Variants in ZDHHC1 observed in about 807,000 individuals in gnomAD.
ZDHHC1 encodes the protein palmitoyltransferase ZDHHC1.
Under a neutral mutation model 46.9 loss-of-function variants are expected in ZDHHC1, and 45 were observed. That is an observed-to-expected ratio of 0.96 (90% CI 0.76 to 1.23). The LOEUF is 1.23. Ranked by LOEUF, ZDHHC1 falls within the 50% of genes most tolerant of loss-of-function variation. The pLI, the probability that ZDHHC1 is intolerant of heterozygous loss-of-function variation, is 0.00. For missense variants in ZDHHC1, 649 were observed against 670.8 expected, an observed-to-expected ratio of 0.97 and a Z score of 0.36; for synonymous variants, 291 against 286.0, an observed-to-expected ratio of 1.02 and a Z score of -0.18.
intron 1 of ZDHHC1, among the ~76,000 whole-genome samples, chr16:67,412,841 C>A (rs986048619): frequency 2.0e-5 from 3 of 151,840 alleles, no homozygotes; most frequent in Non-Finnish European, 2.9e-5. Context: ...ACTCTTGTTG[C>A]TCAGGCTGGA....
chr16:67,398,951 C>T lies in ZDHHC1; in HGVS notation c.531-7G>A, dbSNP rs2040491008. 6.2e-7 allele frequency: 1 copy of T among 1,611,994 alleles called. No homozygotes were observed. Among genetic ancestry groups the T allele is most frequent in the South Asian group, 1.1e-5 (1 of 90,598 alleles). On this transcript the variant is annotated splice_polypyrimidine_tract_variant and splice_region_variant and intron_variant, in intron 5 of 11. Transcript: ENST00000565726. ...AACACTGTGTAGAAAGAGCCTGGGC[C>T]CAGCCATGGGTCGCTGTCAGCTCCC...
chr16:67,400,193 A>G (rs1335753792), intron 4 of ZDHHC1, among the ~76,000 whole-genome samples: 1 of 152,208 alleles, frequency 6.6e-6, no homozygotes, highest in Non-Finnish European at 1.5e-5. Flanking sequence ...TTGGCGCCTT[A>G]AGGCTAGGGG....
At chr16:67,411,333 T>C (rs1157352915) in intron 1 of ZDHHC1, among the ~76,000 whole-genome samples, 3 of 152,030 alleles carry the variant, frequency 2.0e-5, no homozygotes, top group Non-Finnish European at 4.4e-5. Flanking sequence ...AGCAGGTGCT[T>C]GGAGGGCCCT....
chr16:67,398,244 C>T lies in ZDHHC1; in HGVS notation c.895G>A (p.Glu299Lys), dbSNP rs921973283. The change falls in exon 8 of 12, where the codon GAG becomes AAG. Residue 299 changes from glutamate to lysine, a missense_variant. By Grantham distance (56) the Glu-to-Lys change is moderately conservative. Coordinates refer to ENST00000565726, the MANE Select transcript of ZDHHC1 (RefSeq NM_001323627.2). Reference sequence around the variant, plus strand: ...GGCCGCATCTTGGGAGGACATGACTCGAGCTCCCTGTGAACCCCCTTGGCC... The same window carrying T: ...GGCCGCATCTTGGGAGGACATGACTTGAGCTCCCTGTGAACCCCCTTGGCC... ...QEAKGVHREL[E>K]SCPPKMRPIQ... 3.7e-6 allele frequency: 6 copies of T among 1,614,012 alleles called. No individual in the cohort carries two copies. The highest frequency in any genetic ancestry group is 1.6e-4 in the Middle Eastern group (1 of 6,084).
intron 1 of ZDHHC1, among the ~76,000 whole-genome samples, chr16:67,412,302 A>G (rs777396812): frequency 2.2e-4 from 33 of 151,636 alleles, no homozygotes; most frequent in Non-Finnish European, 4.3e-4. Context: ...AAATATATAT[A>G]TATTTTTATC....
intron 1 of ZDHHC1, among the ~76,000 whole-genome samples, chr16:67,411,722 A>AT (rs1380113624): frequency 5.9e-5 from 9 of 152,226 alleles, no homozygotes; most frequent in Non-Finnish European, 1.0e-4. Context: ...AAAGCAAGGG[A>AT]TAAAAAAAGA....
intron 8 of ZDHHC1, among the ~76,000 whole-genome samples, chr16:67,397,861 G>T (rs1567515727): frequency 6.6e-6 from 1 of 152,110 alleles, no homozygotes; most frequent in Non-Finnish European, 1.5e-5. Context: ...CATGGATGAG[G>T]AGAAGTGATG....
chr16:67,409,221 G>C (rs1485565855), intron 1 of ZDHHC1, among the ~76,000 whole-genome samples: 1 of 151,836 alleles, frequency 6.6e-6, no homozygotes, highest in Non-Finnish European at 1.5e-5. Flanking sequence ...TCCAAATCAG[G>C]ATACCCCCTG....
At chr16:67,399,720 C>T (rs1489102861) in intron 4 of ZDHHC1, among the ~76,000 whole-genome samples, 1 of 152,106 alleles carries the variant, frequency 6.6e-6, no homozygotes, top group Non-Finnish European at 1.5e-5. Flanking sequence ...TGGGATTGTG[C>T]GCCTAGCTGA....
At position 67,395,075 on chromosome 16, in the gene ZDHHC1, G is replaced by A. The variant is rs766875350; in HGVS notation, c.1105-13C>T. ...TCTTCCTCTTTTTCTGCAGAGACAC[G>A]GGGGAGCCTGAGGGCCCCACATCGC... is the stretch of plus-strand genomic sequence containing the variant. On this transcript the variant is annotated splice_polypyrimidine_tract_variant and intron_variant, in intron 10 of 11. Coordinates refer to ENST00000565726, the MANE Select transcript of ZDHHC1 (RefSeq NM_001323627.2). 1 of 1,613,128 alleles carries A rather than the reference G, an allele frequency of 6.2e-7. No individual in the cohort carries two copies. The highest frequency in any genetic ancestry group is 8.5e-7 in the Non-Finnish European group (1 of 1,179,904).
chr16:67,397,447 C>T (rs1307156656), intron 8 of ZDHHC1, among the ~76,000 whole-genome samples: 1 of 152,202 alleles, frequency 6.6e-6, no homozygotes, highest in African/African-American at 2.4e-5. Context: ...CAGCCTGGCC[C>T]ACAAGTAGTG....
intron 3 of ZDHHC1, among the ~76,000 whole-genome samples, chr16:67,405,792 G>T (rs1413244404): frequency 2.6e-5 from 4 of 152,228 alleles, no homozygotes; most frequent in African/African-American, 9.6e-5. Flanking sequence ...TTATGTAAAA[G>T]AATTCTACGG....
rs187364605 is a variant in ZDHHC1 at position 67,412,249 on chromosome 16, G to A, written c.-39+3922C>T. 3.9e-5 allele frequency among the ~76,000 whole-genome samples: 6 copies of A among 152,094 alleles called. No individual in the cohort carries two copies. The East Asian group carries it at 7.7e-4, about 20-fold the overall frequency. ...AATGAGACCTAGTGGTCCAAGAGCT[G>A]TAAGACAGAAATTGCATTTCCTGGT... On this transcript the variant is annotated intron_variant, in intron 1 of 11. Coordinates refer to ENST00000565726, the MANE Select transcript of ZDHHC1 (RefSeq NM_001323627.2).
chr16:67,408,953 G>A (rs1006742451), intron 1 of ZDHHC1, among the ~76,000 whole-genome samples: 1 of 152,182 alleles, frequency 6.6e-6, no homozygotes, highest in Non-Finnish European at 1.5e-5. Context: ...CCATCACCAG[G>A]GCAATTACTT....
chr16:67,394,800 G>T lies in ZDHHC1; in HGVS notation c.1259C>A (p.Ser420Ter), dbSNP rs1050044169. ...CTCGTCCACGGACTCTGCCGACGCCGAGTGGTAGGCGCCGGCAGGGCCAGC... is the reference window on the plus strand; with the variant it reads ...CTCGTCCACGGACTCTGCCGACGCCTAGTGGTAGGCGCCGGCAGGGCCAGC... ...HAAGPAGAYH[S>*]ASAESVDEIP... The change falls in exon 12 of 12, where the codon TCG becomes TAG. Residue 420 changes from serine to a stop codon, truncating the protein, a stop_gained. Coordinates refer to ENST00000565726, the MANE Select transcript of ZDHHC1 (RefSeq NM_001323627.2). LOFTEE classifies it low-confidence loss of function (END_TRUNC). 6.5e-7 allele frequency: 1 copy of T among 1,528,498 alleles called. No individual in the cohort carries two copies. Among genetic ancestry groups the T allele is most frequent in the African/African-American group, 1.4e-5 (1 of 72,614 alleles). The allele number at this position is 1,528,498 out of a possible 1,614,324, so 94.7% of individuals were successfully genotyped here. A position where few individuals can be genotyped will look rare whatever the true frequency, so the allele number is the denominator to read the frequency against.
At position 67,394,518 on chromosome 16, in the gene ZDHHC1, C is replaced by T. The variant is rs528348914; in HGVS notation, c.*92G>A. ...AGGCCGATCCCGCCGGCCGTAGGGG[C>T]CCCTAAAGTGCACTCGGTGCGGCAA... On this transcript the variant is annotated 3_prime_UTR_variant, in exon 12 of 12. Transcript: ENST00000565726. 2.7e-5 allele frequency: 29 copies of T among 1,086,838 alleles called. No individual in the cohort carries two copies. The East Asian group carries it at 1.0e-3, about 39-fold the overall frequency. 67.3% of individuals were successfully genotyped at this position (1,086,838 alleles called of 1,614,324 possible). A position where few individuals can be genotyped will look rare whatever the true frequency, so the allele number is the denominator to read the frequency against.
chr16:67,400,997 C>T lies in ZDHHC1; in HGVS notation c.388G>A (p.Val130Ile). 5.6e-6 allele frequency: 9 copies of T among 1,614,170 alleles called. No individual in the cohort carries two copies. Among genetic ancestry groups the T allele is most frequent in the Non-Finnish European group, 6.8e-6 (8 of 1,180,028 alleles). Residue 130 changes from valine (V) to isoleucine (I), a missense_variant, in exon 4 of 12, where the codon GTC becomes ATC. Coordinates refer to ENST00000565726, the MANE Select transcript of ZDHHC1 (RefSeq NM_001323627.2). ...AAGTTGCAGTGCAGGTCTTCAATGA[C>T]ATGTGCGTGCTGGCTTCGGTTGAAG... Reference protein sequence around the residue: ...PIFNRSQHAHVIEDLHCNLCN... With the variant: ...PIFNRSQHAHIIEDLHCNLCN...
chr16:67,415,060 G>A (rs764453339), intron 1 of ZDHHC1, among the ~76,000 whole-genome samples: 1 of 152,178 alleles, frequency 6.6e-6, no homozygotes, highest in African/African-American at 2.4e-5. Context: ...GCTTGAACCC[G>A]GGAGGTGGAG....
chr16:67,406,337 A>T lies in ZDHHC1; in HGVS notation c.115T>A (p.Ser39Thr). ...GPSPELQGQRSRRNGWSWPPH... is the reference protein window; with the variant it reads ...GPSPELQGQRTRRNGWSWPPH... ...GGCCAGCTCCACCCATTCCGGCGGG[A>T]TCGCTGGCCCTGCAGCTCAGGGGAG... Residue 39 changes from serine (S) to threonine (T), a missense_variant, in exon 3 of 12, where the codon TCC becomes ACC. By Grantham distance (58) the Ser-to-Thr change is moderately conservative. Coordinates refer to ENST00000565726, the MANE Select transcript of ZDHHC1 (RefSeq NM_001323627.2). This position sits in a 1 kb window ranked among gnomAD's most constrained non-coding sequence, Gnocchi z 4.1. The T allele has an allele frequency of 6.3e-7, 1 of 1,594,600 alleles. No individual in the cohort carries two copies. Among genetic ancestry groups the T allele is most frequent in the Non-Finnish European group, 8.5e-7 (1 of 1,170,770 alleles).
Sources: allele counts gnomAD v4.1 joint callset (sites outside exome capture counted in the v4.1 genomes callset), GRCh38; gene constraint gnomAD v4.1.1; non-coding constraint Gnocchi (gnomAD v3.1); transcripts MANE v1.5; gene names NCBI Gene and HGNC (gene_info 2026-07-23, HGNC 2026-07-21).